Variants in TNFRSF13B observed in about 807,000 individuals in gnomAD.
TNFRSF13B encodes the protein TNF receptor superfamily member 13B.
In TNFRSF13B, 34 loss-of-function variants were observed where a neutral mutation model predicts 24.0. The observed-to-expected ratio is 1.41, with a 90% CI of 1.08 to 1.88. The LOEUF is 1.88. Ranked by LOEUF, TNFRSF13B falls within the 40% of genes most tolerant of loss-of-function variation. The probability of loss-of-function intolerance (pLI) is 0.00; values close to 1 mark genes in which losing one functional copy is unlikely to be tolerated. For missense variants in TNFRSF13B, 415 were observed against 380.8 expected (o/e 1.09, Z -0.75); for synonymous variants, 173 against 150.3 (o/e 1.15, Z -1.10).
intron 1 of TNFRSF13B, among the ~76,000 whole-genome samples, 169 bp from the exon 2 acceptor site, chr17:16,952,752 A>G (rs2087598765): frequency 6.6e-6 from 1 of 152,128 alleles, no homozygotes; most frequent in African/African-American, 2.4e-5. Flanking sequence ...TGCACTTGCT[A>G]GGGGCCTGGG....
intron 1 of TNFRSF13B, 96 bp from the exon 2 acceptor site, chr17:16,952,679 G>C: frequency 1.3e-6 from 2 of 1,566,708 alleles, no homozygotes; most frequent in South Asian, 2.3e-5. Context: ...GCCCACATTC[G>C]CACAGACAAC....
intron 2 of TNFRSF13B, 29 bp from the exon 3 acceptor site, chr17:16,949,012 G>C (rs1046087727): frequency 6.2e-7 from 1 of 1,613,516 alleles, no homozygotes; most frequent in Admixed American, 1.7e-5. Context: ...TGATACTGCT[G>C]GGTGACACAG....
intron 1 of TNFRSF13B, among the ~76,000 whole-genome samples, chr17:16,971,416 A>G (rs1240620929): frequency 1.3e-5 from 2 of 151,576 alleles, no homozygotes; most frequent in African/African-American, 4.9e-5. Flanking sequence ...ATATAAATAT[A>G]AATATATAAC....
intron 3 of TNFRSF13B, chr17:16,941,529 G>A (rs536364811): frequency 7.4e-5 from 73 of 987,624 alleles, no homozygotes; most frequent in East Asian, 1.1e-4. Flanking sequence ...CAAGAAGAGC[G>A]AGTCCCACTT....
chr17:16,940,590 C>T (rs1433154306), intron 3 of TNFRSF13B, 79 bp from the exon 4 acceptor site: 1 of 1,550,472 alleles, frequency 6.4e-7, no homozygotes, highest in Non-Finnish European at 8.7e-7. Flanking sequence ...CACATCCCCC[C>T]ATCCCCCTGC....
chr17:16,964,464 T>C (rs1193058847), intron 1 of TNFRSF13B, among the ~76,000 whole-genome samples: 1 of 149,144 alleles, frequency 6.7e-6, no homozygotes, highest in Non-Finnish European at 1.5e-5. Context: ...TGCCTCAGCC[T>C]CCCAAGTAGC....
In TNFRSF13B at chr17:16,939,421, T is replaced by C; in HGVS notation, c.*126A>G. 1 of 1,177,058 alleles carries C rather than the reference T, an allele frequency of 8.5e-7. No individual in the cohort carries two copies. Among genetic ancestry groups the C allele is most frequent in the Non-Finnish European group, 1.2e-6 (1 of 851,458 alleles). 72.9% of individuals were successfully genotyped at this position (1,177,058 alleles called of 1,614,324 possible). A position where few individuals can be genotyped will look rare whatever the true frequency, so the allele number is the denominator to read the frequency against. On this transcript the variant is annotated 3_prime_UTR_variant, in exon 5 of 5. Coordinates refer to ENST00000261652, the MANE Select transcript of TNFRSF13B (RefSeq NM_012452.3). The stretch of plus-strand genomic sequence containing the variant: ...TCTCTCTCTCCCTCTCTGTCTCCTC[T>C]GTTTCTCTCCCTCTCTGCCTCCTCT...
chr17:16,941,437 A>G, intron 3 of TNFRSF13B: 2 of 987,620 alleles, frequency 2.0e-6, no homozygotes, highest in Non-Finnish European at 2.4e-6. Flanking sequence ...CCTTATCCCA[A>G]AAGCTCTTCC....
At position 16,952,561 on chromosome 17, in the gene TNFRSF13B, C is replaced by G; in HGVS notation, c.84G>C (p.Gly28=). 1.2e-6 allele frequency: 2 copies of G among 1,614,176 alleles called. No homozygotes were observed. The highest frequency in any genetic ancestry group is 1.7e-6 in the Non-Finnish European group (2 of 1,180,008). Residue 28 remains glycine, a synonymous_variant, in exon 2 of 5, where the codon GGG becomes GGC. Coordinates refer to ENST00000261652, the MANE Select transcript of TNFRSF13B (RefSeq NM_012452.3). ...CTTCGGGGCAGGATCTCATAGCCAC[C>G]CCCGTCCACAGGCCCTGTGGAACTG... is the stretch of plus-strand genomic sequence containing the variant. ...EERFPQGLWT[G]VAMRSCPEEQ... is the part of the protein sequence containing the mutation.
At chr17:16,960,160 G>T (rs2087652234) in intron 1 of TNFRSF13B, among the ~76,000 whole-genome samples, 1 of 152,066 alleles carries the variant, frequency 6.6e-6, no homozygotes, top group African/African-American at 2.4e-5. Context: ...AAACTTAGTG[G>T]TCTTCTCAAT....
Position 16,940,343 on chromosome 17 carries a change from G to A in TNFRSF13B, c.614C>T (p.Pro205Leu), listed in dbSNP as rs201068309. Residue 205 changes from proline to leucine, a missense_variant, in exon 4 of 5, where the codon CCG (proline) becomes CTG (leucine). Pro to Leu is a moderately conservative substitution (Grantham distance 98). Transcript: ENST00000261652. Reference protein sequence around the residue: ...CQPRSRPRQSPAKSSQDHAME... With the variant: ...CQPRSRPRQSLAKSSQDHAME... ...GCACTCACCCTGGGAAGACTTGGCC[G>A]GACTTTGACGGGGCCTTGAGCGGGG... 1.1e-5 allele frequency: 17 copies of A among 1,613,636 alleles called. No individual in the cohort carries two copies. The highest frequency in any genetic ancestry group is 2.7e-5 in the African/African-American group (2 of 75,030).
chr17:16,946,818 C>T (rs931840233), intron 3 of TNFRSF13B, among the ~76,000 whole-genome samples: 4 of 152,084 alleles, frequency 2.6e-5, no homozygotes, highest in African/African-American at 9.7e-5. Context: ...GAACTCCGAA[C>T]CACAAGTGAT....
intron 1 of TNFRSF13B, among the ~76,000 whole-genome samples, chr17:16,965,168 G>T (rs1050928499): frequency 2.0e-5 from 3 of 151,960 alleles, no homozygotes; most frequent in African/African-American, 7.3e-5. Context: ...TTACAGTGGT[G>T]CAATCATAGC....
chr17:16,963,493 TAA>T (rs2087677296), intron 1 of TNFRSF13B, among the ~76,000 whole-genome samples: 1 of 152,188 alleles, frequency 6.6e-6, no homozygotes, highest in Non-Finnish European at 1.5e-5. Context: ...GAAGGAACAG[TAA>T]AAGCTTGGCA....
intron 3 of TNFRSF13B, among the ~76,000 whole-genome samples, chr17:16,942,309 G>A (rs1597657952): frequency 6.6e-6 from 1 of 152,176 alleles, no homozygotes; most frequent in Non-Finnish European, 1.5e-5. Flanking sequence ...CTCCAAGCCC[G>A]CGGGCCACAC....
intron 2 of TNFRSF13B, among the ~76,000 whole-genome samples, chr17:16,949,426 G>T (rs756911028): frequency 9.9e-5 from 15 of 152,162 alleles, no homozygotes; most frequent in Non-Finnish European, 1.6e-4. Context: ...AAGGGGAAAA[G>T]CCAGAATCCT....
At chr17:16,943,692 C>T (rs192397455) in intron 3 of TNFRSF13B, among the ~76,000 whole-genome samples, 1 of 152,272 alleles carries the variant, frequency 6.6e-6, no homozygotes, top group Admixed American at 6.5e-5. Flanking sequence ...GGCATCTGGT[C>T]CCTCCTAGTG....
At position 16,972,055 on chromosome 17, in the gene TNFRSF13B, G is replaced by C. The variant is rs780461208; in HGVS notation, c.21C>G (p.Ser7Arg). Residue 7 changes from serine to arginine, a missense_variant, in exon 1 of 5, where the codon AGC becomes AGG. Physicochemically the swap from Ser to Arg is moderately radical, Grantham distance 110. Transcript: ENST00000261652. The part of the protein sequence containing the change: MSGLGR[S>R]RRGGRSRVDQ... ...CCACACGGCTCCGGCCACCTCGCCT[G>C]CTCCGGCCCAGGCCACTCATTACTC... The C allele has an allele frequency of 4.3e-6, 7 of 1,613,884 alleles. No homozygotes were observed. Among genetic ancestry groups the C allele is most frequent in the East Asian group, 2.2e-5 (1 of 44,890 alleles).
At chr17:16,953,249 A>G (rs556739552) in intron 1 of TNFRSF13B, among the ~76,000 whole-genome samples, 1 of 152,334 alleles carries the variant, frequency 6.6e-6, no homozygotes, top group South Asian at 2.1e-4. Flanking sequence ...CATTAAGTGA[A>G]TGGTTTCTTT....
Sources: gnomAD v4.1 joint callset for allele counts (sites outside exome capture counted in the v4.1 genomes callset) on GRCh38, gnomAD v4.1.1 for gene constraint, MANE v1.5 for transcripts, NCBI Gene and HGNC (gene_info 2026-07-23, HGNC 2026-07-21) for gene names.